OSBPL1A: variants seen among roughly 807,000 people sequenced by gnomAD.
OSBPL1A encodes the protein oxysterol binding protein like 1A.
OSBPL1A carries 80 observed loss-of-function variants against 137.1 expected under a neutral mutation model. The ratio of observed to expected loss-of-function variants is 0.58; its 90% CI spans 0.49 to 0.70. OSBPL1A has a LOEUF of 0.70. Among genes scored for constraint, OSBPL1A ranks in the 30% least tolerant of loss-of-function variants. The probability of loss-of-function intolerance (pLI) is 0.00; values close to 1 mark genes in which losing one functional copy is unlikely to be tolerated. For synonymous variants in OSBPL1A, 365 were observed against 389.7 expected (o/e 0.94, Z 0.75); for missense variants, 970 against 1,129.4 (o/e 0.86, Z 2.02).
chr18:24,259,038 C>T (rs572967942), intron 15 of OSBPL1A, among the ~76,000 whole-genome samples: 22 of 149,816 alleles, frequency 1.5e-4, no homozygotes, highest in South Asian at 4.2e-4. Flanking sequence ...TCCGGGTTCA[C>T]GCCATTCTCC....
At chr18:24,223,740 C>A (rs1031448691) in intron 17 of OSBPL1A, among the ~76,000 whole-genome samples, 1 of 152,064 alleles carries the variant, frequency 6.6e-6, no homozygotes, top group African/African-American at 2.4e-5. Flanking sequence ...ATAAAGAAAT[C>A]CCCTGTAGCT....
chr18:24,333,069 A>G lies in OSBPL1A; in HGVS notation c.498T>C (p.Pro166=), dbSNP rs1267947860. The change falls in exon 7 of 28, where the codon CCT becomes CCC. Residue 166 remains proline (P), a synonymous_variant. Transcript: ENST00000319481. ...ELTALLNRPN[P]PDVNCSDQLG... The stretch of plus-strand genomic sequence containing the variant: ...ACTGATCCGAACAGTTAACATCAGG[A>G]GGATTGGGCCTGTTGAGCTAACAAT... 6.2e-7 allele frequency: 1 copy of G among 1,613,888 alleles called. No individual in the cohort carries two copies. Among genetic ancestry groups the G allele is most frequent in the African/African-American group, 1.3e-5 (1 of 74,908 alleles).
chr18:24,337,320 C>G (rs1035451668), intron 5 of OSBPL1A, among the ~76,000 whole-genome samples: 1 of 150,938 alleles, frequency 6.6e-6, no homozygotes. Context: ...TATATTGAGG[C>G]CTTTTCTCTA....
intron 18 of OSBPL1A, among the ~76,000 whole-genome samples, chr18:24,194,596 G>A (rs925038547): frequency 3.3e-5 from 5 of 152,154 alleles, no homozygotes; most frequent in African/African-American, 1.2e-4. Context: ...AATCCTAATA[G>A]AATTGAAATA....
At chr18:24,327,478 C>T (rs1331878466) in intron 7 of OSBPL1A, among the ~76,000 whole-genome samples, 2 of 151,946 alleles carry the variant, frequency 1.3e-5, no homozygotes, top group Non-Finnish European at 2.9e-5. Context: ...AGCATGATCT[C>T]AGCTCACTGC....
At chr18:24,262,739 G>C (rs1365210515) in intron 15 of OSBPL1A, among the ~76,000 whole-genome samples, 1 of 114,008 alleles carries the variant, frequency 8.8e-6, no homozygotes, top group Non-Finnish European at 1.7e-5. Context: ...CCCCTTTCAC[G>C]GTCACTCTCC....
chr18:24,307,175 T>A (rs2090520253), intron 13 of OSBPL1A, among the ~76,000 whole-genome samples: 1 of 151,868 alleles, frequency 6.6e-6, no homozygotes, highest in Admixed American at 6.6e-5. Flanking sequence ...CTCAGCTACT[T>A]AAGAAGCTGA....
chr18:24,325,367 C>A (rs1450428060), intron 7 of OSBPL1A, among the ~76,000 whole-genome samples: 1 of 152,222 alleles, frequency 6.6e-6, no homozygotes, highest in Admixed American at 6.5e-5. Flanking sequence ...TCCAGCTCGC[C>A]CTGCTCTGGG....
chr18:24,277,841 G>A lies in OSBPL1A; in HGVS notation c.1281+3001C>T, dbSNP rs536076224. On this transcript the variant is annotated intron_variant, in intron 15 of 27. Coordinates refer to ENST00000319481, the MANE Select transcript of OSBPL1A (RefSeq NM_080597.4). Reference sequence around the variant, plus strand: ...CACTGTTTATCTTATTGTTGAGAAGGAAATCTATGGATTCTAAGTGTTTCA... The same window carrying A: ...CACTGTTTATCTTATTGTTGAGAAGAAAATCTATGGATTCTAAGTGTTTCA... Among the ~76,000 whole-genome samples, 11 of 152,280 alleles carry A rather than the reference G, an allele frequency of 7.2e-5. No individual in the cohort carries two copies. In the South Asian group the frequency reaches 2.1e-3, roughly 29 times the overall value.
chr18:24,242,611 A>C (rs2088739777), intron 15 of OSBPL1A, among the ~76,000 whole-genome samples: 1 of 152,206 alleles, frequency 6.6e-6, no homozygotes, highest in African/African-American at 2.4e-5. Flanking sequence ...TCTTAGACAT[A>C]GCTTAAGATA....
chr18:24,165,549 C>T (rs1238265322), intron 26 of OSBPL1A, among the ~76,000 whole-genome samples: 3 of 152,232 alleles, frequency 2.0e-5, no homozygotes, highest in African/African-American at 7.2e-5. Context: ...GGAATTTAAA[C>T]TGTCTTCCAA....
intron 5 of OSBPL1A, among the ~76,000 whole-genome samples, chr18:24,338,011 G>C (rs952228994): frequency 2.0e-5 from 3 of 151,602 alleles, no homozygotes; most frequent in African/African-American, 7.3e-5. Context: ...TTTGAGTGAA[G>C]GACATACAAA....
intron 5 of OSBPL1A, among the ~76,000 whole-genome samples, chr18:24,335,389 G>T: frequency 6.6e-6 from 1 of 152,142 alleles, no homozygotes; most frequent in East Asian, 1.9e-4. Context: ...TGGAGGAGCT[G>T]GGATTTGAAC....
chr18:24,233,565 C>CT (rs747766142), intron 16 of OSBPL1A, among the ~76,000 whole-genome samples: 1 of 152,184 alleles, frequency 6.6e-6, no homozygotes, highest in Non-Finnish European at 1.5e-5. Context: ...TTAGAGAACT[C>CT]TGATTCTGTG....
At chr18:24,310,432 C>CAAAAAA (rs3039412) in intron 13 of OSBPL1A, among the ~76,000 whole-genome samples, 4 of 89,740 alleles carry the variant, frequency 4.5e-5, no homozygotes, top group African/African-American at 8.8e-5. Context: ...ACTAAAAATA[C>CAAAAAA]AAAAAAAAAA....
chr18:24,304,144 G>A (rs553194508), intron 13 of OSBPL1A, among the ~76,000 whole-genome samples: 2 of 152,078 alleles, frequency 1.3e-5, no homozygotes, highest in African/African-American at 4.8e-5. Context: ...AATCCAGATG[G>A]TCCTAACATT....
chr18:24,378,757 G>A lies in OSBPL1A; in HGVS notation c.-2-1222C>T, dbSNP rs573962073. Among the ~76,000 whole-genome samples, 6 of 152,226 alleles carry A rather than the reference G, an allele frequency of 3.9e-5. No homozygotes were observed. In the South Asian group the frequency reaches 1.2e-3, roughly 32 times the overall value. On this transcript the variant is annotated intron_variant, in intron 1 of 27. Coordinates refer to ENST00000319481, the MANE Select transcript of OSBPL1A (RefSeq NM_080597.4). The stretch of plus-strand genomic sequence containing the variant: ...TGTCTCCAGCCCTCTTGCCCTAATC[G>A]GCATTTCTTATGCAGGCAAGCCAGG...
At chr18:24,260,797 G>T in intron 15 of OSBPL1A, among the ~76,000 whole-genome samples, 2 of 144,350 alleles carry the variant, frequency 1.4e-5, no homozygotes, top group African/African-American at 2.6e-5. Flanking sequence ...TTTATGTTAT[G>T]TGAATTCTAT....
rs2090792047 is a variant in OSBPL1A, at chr18:24,318,945, CA to C, written c.626-137del. 8 of 742,602 alleles carry C rather than the reference CA, an allele frequency of 1.1e-5. No individual in the cohort carries two copies. The South Asian group carries it at 1.4e-4, about 13-fold the overall frequency. 46.0% of individuals were successfully genotyped at this position (742,602 alleles called of 1,614,324 possible). On this transcript the variant is annotated intron_variant, in intron 7 of 27. Transcript: ENST00000319481. ...TTTCTTTCCCCAGAAAATTACCTAC[CA>C]GAGAGAGGTTGCCATCTCAATTATT...
Sources: allele counts gnomAD v4.1 joint callset (sites outside exome capture counted in the v4.1 genomes callset), GRCh38; gene constraint gnomAD v4.1.1; transcripts MANE v1.5; gene names NCBI Gene and HGNC (gene_info 2026-07-23, HGNC 2026-07-21).